Variants in DOCK7 observed in about 807,000 individuals in gnomAD.
DOCK7 encodes the protein dedicator of cytokinesis 7, also known as dedicator of cytokinesis protein 7.
In DOCK7, 138 loss-of-function variants were observed where a neutral mutation model predicts 271.0. The ratio of observed to expected loss-of-function variants is 0.51; its 90% CI spans 0.44 to 0.59. The LOEUF is 0.59. Ranked by LOEUF, DOCK7 falls within the 20% of genes least tolerant of loss-of-function variation. The pLI, the probability that DOCK7 is intolerant of heterozygous loss-of-function variation, is 0.00. For synonymous variants in DOCK7, 823 were observed against 876.1 expected (o/e 0.94, Z 1.07); for missense variants, 2,066 against 2,592.4 (o/e 0.80, Z 4.41).
At chr1:62,542,046 A>C (rs1160664000) in intron 25 of DOCK7, among the ~76,000 whole-genome samples, 5 of 151,972 alleles carry the variant, frequency 3.3e-5, no homozygotes, top group African/African-American at 1.2e-4. Context: ...TAATTTAAAA[A>C]AAAATTTTTT....
At chr1:62,491,466 A>T (rs1045137342) in intron 41 of DOCK7, among the ~76,000 whole-genome samples, 6 of 152,260 alleles carry the variant, frequency 3.9e-5, no homozygotes, top group Non-Finnish European at 8.8e-5. Context: ...TCTTTCTCCA[A>T]TAAACATCCC....
chr1:62,652,492 C>T (rs899657373), intron 4 of DOCK7, among the ~76,000 whole-genome samples: 1 of 152,096 alleles, frequency 6.6e-6, no homozygotes, highest in African/African-American at 2.4e-5. Context: ...AGTTACCTAA[C>T]TACTCTGAGC....
chr1:62,568,851 TAATA>T (rs1265700046), intron 18 of DOCK7, among the ~76,000 whole-genome samples: 3 of 150,002 alleles, frequency 2.0e-5, no homozygotes, highest in African/African-American at 7.3e-5. Context: ...CTAGCTAGAT[TAATA>T]AAGAAGGAAA....
chr1:62,529,528 C>G (rs773385289), intron 29 of DOCK7, 82 bp from the exon 30 acceptor site: 56 of 1,089,364 alleles, frequency 5.1e-5, no homozygotes, highest in Non-Finnish European at 6.9e-5. Context: ...AACAGTAAGT[C>G]ATGGTATTGA....
At chr1:62,534,240 TCTGA>T (rs1360158169) in intron 29 of DOCK7, among the ~76,000 whole-genome samples, 2 of 152,158 alleles carry the variant, frequency 1.3e-5, no homozygotes, top group African/African-American at 4.8e-5. Context: ...CCTCAAGTGA[TCTGA>T]CTGTCTCAGC....
At chr1:62,545,085 T>C (rs1002183154) in intron 22 of DOCK7, 46 bp from the exon 23 acceptor site, 10 of 1,396,034 alleles carry the variant, frequency 7.2e-6, no homozygotes, top group South Asian at 1.3e-5. Flanking sequence ...AAATATTACA[T>C]GTTGCATGCT....
intron 7 of DOCK7, among the ~76,000 whole-genome samples, chr1:62,642,748 ATTC>A (rs1485889525): frequency 1.3e-5 from 2 of 152,158 alleles, no homozygotes; most frequent in Admixed American, 1.3e-4. Flanking sequence ...TTTGTTCATC[ATTC>A]TTCTACCTAA....
chr1:62,521,243 A>G (rs1254119319), intron 31 of DOCK7, among the ~76,000 whole-genome samples: 1 of 152,192 alleles, frequency 6.6e-6, no homozygotes, highest in Non-Finnish European at 1.5e-5. Context: ...CCAGAACTTA[A>G]AGTATAATTT....
intron 11 of DOCK7, chr1:62,629,714 T>C (rs1654387683): frequency 6.6e-6 from 1 of 152,214 alleles, no homozygotes. Flanking sequence ...TAAGTCCTCA[T>C]TTAACATCAT....
chr1:62,530,000 C>T (rs1356248003), intron 29 of DOCK7, among the ~76,000 whole-genome samples: 1 of 152,026 alleles, frequency 6.6e-6, no homozygotes, highest in African/African-American at 2.4e-5. Flanking sequence ...ACTCTCAATC[C>T]CCCTCAGTTT....
At chr1:62,619,858 T>C (rs1240086179) in intron 13 of DOCK7, 42 bp downstream of exon 13, 3 of 1,280,236 alleles carry the variant, frequency 2.3e-6, no homozygotes, top group Middle Eastern at 1.9e-4. Context: ...ATAGTAGTGA[T>C]AATAATAGTT....
intron 42 of DOCK7, chr1:62,488,194 G>A (rs1328437599): frequency 6.6e-6 from 1 of 152,626 alleles, no homozygotes; most frequent in Non-Finnish European, 1.5e-5. Context: ...CACGGGGAAG[G>A]GAACAGAAAA....
chr1:62,643,635 CATCCAGA>C lies in DOCK7; in HGVS notation c.818+4049_818+4055del, dbSNP rs772305710. ...TTTATTCTTCCTAGATCCTACTAGA[CATCCAGA>C]ATTGAGAGTTACTACTATGTTTCAT... On this transcript the variant is annotated intron_variant, in intron 7 of 49. Transcript: ENST00000635253. Among the ~76,000 whole-genome samples the C allele has an allele frequency of 1.3e-3, 203 of 152,284 alleles. 1 individual carries two copies. Among genetic ancestry groups the C allele is most frequent in the Non-Finnish European group, 2.5e-3 (171 of 68,020 alleles).
intron 20 of DOCK7, among the ~76,000 whole-genome samples, chr1:62,558,314 T>C (rs1313235661): frequency 1.3e-5 from 2 of 152,004 alleles, no homozygotes; most frequent in African/African-American, 2.4e-5. Flanking sequence ...TACTTATAAA[T>C]CTCCCCTAAA....
chr1:62,518,551 G>C (rs1335878473), intron 31 of DOCK7, among the ~76,000 whole-genome samples: 2 of 150,640 alleles, frequency 1.3e-5, no homozygotes, highest in Non-Finnish European at 3.0e-5. Context: ...TCCAGCCTGG[G>C]TGACAGAGTG....
At chr1:62,618,581 C>T (rs754603100) in intron 14 of DOCK7, 125 bp downstream of exon 14, 18 of 767,512 alleles carry the variant, frequency 2.3e-5, no homozygotes, top group Admixed American at 5.7e-5. Context: ...TAAAATTGTG[C>T]GGTAAGAGAT....
intron 11 of DOCK7, chr1:62,629,586 TG>T (rs1381066161): frequency 1.3e-5 from 2 of 152,178 alleles, no homozygotes; most frequent in Non-Finnish European, 2.9e-5. Context: ...TGCAAGACTC[TG>T]GGGGAATGAG....
rs893445875 is a variant in DOCK7 at position 62,619,263 on chromosome 1, A to G, written c.1520-395T>C. Among the ~76,000 whole-genome samples, 6 of 152,222 alleles carry G rather than the reference A, an allele frequency of 3.9e-5. No individual in the cohort carries two copies. The East Asian group carries it at 1.2e-3, about 29-fold the overall frequency. On this transcript the variant is annotated intron_variant, in intron 13 of 49. Transcript: ENST00000635253. ...TCTGGAATGGTTTGCTCCAATCATA[A>G]TATGAATCTATTTTTTAATATTTAC...
At chr1:62,649,968 G>A (rs867521261) in intron 4 of DOCK7, among the ~76,000 whole-genome samples, 1 of 152,134 alleles carries the variant, frequency 6.6e-6, no homozygotes. Flanking sequence ...TAAAACAGAA[G>A]GTCGAGCATG....
Sources: gnomAD v4.1 joint callset for allele counts (sites outside exome capture counted in the v4.1 genomes callset) on GRCh38, gnomAD v4.1.1 for gene constraint, MANE v1.5 for transcripts, NCBI Gene and HGNC (gene_info 2026-07-23, HGNC 2026-07-21) for gene names.